SF3B2: variants seen among roughly 807,000 people sequenced by gnomAD.
SF3B2 encodes the protein SAP 145.
In SF3B2, 22 loss-of-function variants were observed where a neutral mutation model predicts 116.3. The ratio of observed to expected loss-of-function variants is 0.19; its 90% confidence interval spans 0.14 to 0.27. SF3B2 has a LOEUF of 0.27. SF3B2 is among the 10% of genes least tolerant of loss of function. The pLI, the probability that SF3B2 is intolerant of heterozygous loss-of-function variation, is 1.00. For synonymous variants in SF3B2, 406 were observed against 421.6 expected (o/e 0.96, Z 0.45); for missense variants, 767 against 1,151.4 (o/e 0.67, Z 4.83).
intron 13 of SF3B2, 121 bp from the exon 14 acceptor site, chr11:66,060,461 T>G: frequency 8.4e-7 from 1 of 1,186,680 alleles, no homozygotes; most frequent in Non-Finnish European, 1.2e-6. Context: ...GGAAGGATTT[T>G]GATGACTTTC....
In SF3B2 at chr11:66,061,743, C is replaced by T; in HGVS notation, c.1837C>T (p.Leu613=). Residue 613 remains leucine (L), a synonymous_variant, in exon 15 of 22, where the codon CTA becomes TTA. Transcript: ENST00000322535. ...GAAGCCAGGAGATCTGTCTGATGAG[C>T]TAAGGATTTCCTTGGGGATGCCAGT... The part of the protein sequence containing the change: ...EKKPGDLSDE[L]RISLGMPVGP... 6.2e-7 allele frequency: 1 copy of T among 1,614,146 alleles called. No homozygotes were observed. Among genetic ancestry groups the T allele is most frequent in the East Asian group, 2.2e-5 (1 of 44,886 alleles).
chr11:66,067,528 G>C (rs1202930940), intron 19 of SF3B2: 1 of 456,886 alleles, frequency 2.2e-6, no homozygotes. Context: ...GATGGCTCTT[G>C]CGTTGGAAGG....
At chr11:66,057,431 A>G (rs1031462822) in intron 7 of SF3B2, 56 bp downstream of exon 7, 28 of 865,068 alleles carry the variant, frequency 3.2e-5, no homozygotes, top group African/African-American at 1.2e-4. Context: ...GGATGGGACT[A>G]TTTTTGGATT....
rs755493507 is a variant in SF3B2 at position 66,058,936 on chromosome 11, G to T, written c.1073G>T (p.Arg358Leu). 6.2e-7 allele frequency: 1 copy of T among 1,614,160 alleles called. No individual in the cohort carries two copies. Among genetic ancestry groups the T allele is most frequent in the South Asian group, 1.1e-5 (1 of 91,082 alleles). ...CGGGAGAAAGACTCAACCCGGTCCC[G>T]TGGCTCTGATTCCCCAGCAGCTGAT... ...GDREKDSTRS[R>L]GSDSPAADVE... The change falls in exon 10 of 22, where the codon CGT becomes CTT. Residue 358 changes from arginine to leucine, a missense_variant. Arg to Leu is a moderately radical substitution (Grantham distance 102). Coordinates refer to ENST00000322535, the MANE Select transcript of SF3B2 (RefSeq NM_006842.3).
intron 9 of SF3B2, chr11:66,058,617 C>T (rs912494538): frequency 2.1e-5 from 13 of 630,280 alleles, no homozygotes; most frequent in African/African-American, 5.5e-5. Context: ...GGTTCTGAGA[C>T]GCACAGTAAT....
chr11:66,056,291 TTGGG>T (rs942183078), intron 5 of SF3B2, among the ~76,000 whole-genome samples: 7 of 151,208 alleles, frequency 4.6e-5, no homozygotes, highest in African/African-American at 1.7e-4. Flanking sequence ...TCCCAGCTAC[TTGGG>T]AGGCTGAGGT....
At chr11:66,052,761 C>T (rs1299131073) in intron 2 of SF3B2, 42 bp downstream of exon 2, 1 of 1,532,548 alleles carries the variant, frequency 6.5e-7, no homozygotes, top group Non-Finnish European at 8.8e-7. Context: ...CCGAGCTTCT[C>T]CAGGAGACCT....
intron 9 of SF3B2, 105 bp downstream of exon 9, chr11:66,058,510 C>A: frequency 1.2e-6 from 1 of 834,350 alleles, no homozygotes; most frequent in Non-Finnish European, 1.9e-6. Context: ...CTATTTTGTG[C>A]CAATTTCCGC....
At chr11:66,056,815 C>G (rs1018887030) in intron 5 of SF3B2, 23 bp from the exon 6 acceptor site, 4 of 1,578,588 alleles carry the variant, frequency 2.5e-6, no homozygotes, top group Non-Finnish European at 1.7e-6. Context: ...CAGGCAGTAT[C>G]TACTCCCACT....
At chr11:66,068,485 A>C (rs552750540) in intron 21 of SF3B2, 152 bp downstream of exon 21, 2 of 929,398 alleles carry the variant, frequency 2.2e-6, no homozygotes, top group South Asian at 1.7e-5. Context: ...GAAATCCTCC[A>C]GTGGGCTGCC....
intron 19 of SF3B2, chr11:66,064,704 T>G (rs1857151633): frequency 6.6e-6 from 1 of 152,160 alleles, no homozygotes; most frequent in Admixed American, 6.5e-5. Flanking sequence ...GCGTGGTGGC[T>G]TAAGCCTGTA....
In SF3B2 at chr11:66,059,109, G is replaced by C. The variant is rs1857056697; in HGVS notation, c.1182+64G>C. On this transcript the variant is annotated intron_variant, in intron 10 of 21. Transcript: ENST00000322535. The surrounding 1 kb of genome is among the most constrained non-coding windows in gnomAD (Gnocchi z 5.0). ...AGGGAAGGGGCTCAGAGGTGGGTGA[G>C]AGGCAGCGGTGAACAGGCATCTTTT... is the stretch of plus-strand genomic sequence containing the variant. 1.2e-6 allele frequency: 2 copies of C among 1,608,116 alleles called. No homozygotes were observed. The highest frequency in any genetic ancestry group is 3.3e-5 in the Admixed American group (2 of 59,748).
rs1442064798 is a variant in SF3B2, at chr11:66,053,083, T to A, written c.237T>A (p.Ala79=). 6.2e-7 allele frequency: 1 copy of A among 1,614,094 alleles called. No individual in the cohort carries two copies. Among genetic ancestry groups the A allele is most frequent in the Non-Finnish European group, 8.5e-7 (1 of 1,179,996 alleles). Residue 79 remains alanine (A), a synonymous_variant, in exon 3 of 22, where the codon GCT becomes GCA. Coordinates refer to ENST00000322535, the MANE Select transcript of SF3B2 (RefSeq NM_006842.3). The stretch of plus-strand genomic sequence containing the variant: ...GAGGGGAAGATGGGGACAAAGCCGC[T>A]CCACCTCCCATGTCGGCACAGGTAG... The part of the protein sequence containing the change: ...VLRGEDGDKA[A]PPPMSAQLPG...
intron 9 of SF3B2, 65 bp downstream of exon 9, chr11:66,058,470 A>C (rs1052469787): frequency 3.2e-6 from 4 of 1,258,732 alleles, no homozygotes; most frequent in Non-Finnish European, 3.5e-6. Flanking sequence ...GAAATAACAC[A>C]ATTTGTAAGT....
At chr11:66,053,277 T>A in intron 3 of SF3B2, 173 bp downstream of exon 3, 1 of 655,026 alleles carries the variant, frequency 1.5e-6, no homozygotes, top group South Asian at 1.8e-5. Context: ...GCCCTTCCTC[T>A]CACTTGCAGT....
chr11:66,061,805 A>G (rs1422768850), intron 15 of SF3B2, 30 bp downstream of exon 15: 1 of 1,607,950 alleles, frequency 6.2e-7, no homozygotes, highest in Non-Finnish European at 8.5e-7. Context: ...CTGGGGAAGC[A>G]GCGAAGAGGC....
At chr11:66,065,607 TAATAAATGAAAA>T (rs1335851078) in intron 19 of SF3B2, 4 of 152,150 alleles carry the variant, frequency 2.6e-5, no homozygotes. Context: ...ATTAATGAAA[TAATAAATGAAAA>T]AATAAATGAA....
At chr11:66,052,542 G>C in intron 1 of SF3B2, 25 bp downstream of exon 1, 1 of 1,603,792 alleles carries the variant, frequency 6.2e-7, no homozygotes, top group East Asian at 2.2e-5. Flanking sequence ...AAGTCGAGGG[G>C]CCTTTACGGG....
In SF3B2 at chr11:66,053,093, A is replaced by T. The variant is rs1251978060; in HGVS notation, c.247A>T (p.Met83Leu). The T allele has an allele frequency of 6.2e-7, 1 of 1,613,968 alleles. No homozygotes were observed. The highest frequency in any genetic ancestry group is 8.5e-7 in the Non-Finnish European group (1 of 1,179,926). Residue 83 changes from methionine to leucine, a missense_variant, in exon 3 of 22, where the codon ATG becomes TTG. By Grantham distance (15) the Met-to-Leu change is conservative (BLOSUM62 2). Transcript: ENST00000322535. ...EDGDKAAPPP[M>L]SAQLPGIPMP... ...TGGGGACAAAGCCGCTCCACCTCCC[A>T]TGTCGGCACAGGTAGGGAGATTCTT...
Sources: allele counts gnomAD v4.1 joint callset (sites outside exome capture counted in the v4.1 genomes callset), GRCh38; gene constraint gnomAD v4.1.1; non-coding constraint Gnocchi (gnomAD v3.1); transcripts MANE v1.5; gene names NCBI Gene and HGNC (gene_info 2026-07-23, HGNC 2026-07-21).